RBM15B: variants seen among roughly 807,000 people sequenced by gnomAD.
The protein encoded by RBM15B is putative RNA-binding protein 15B.
In RBM15B, 11 loss-of-function variants were observed where a neutral mutation model predicts 53.3. The ratio of observed to expected loss-of-function variants is 0.21; its 90% CI spans 0.13 to 0.34. The LOEUF (loss-of-function observed/expected upper bound fraction) is 0.34, where lower values mean the gene tolerates loss of function less well. RBM15B is among the 10% of genes least tolerant of loss of function. RBM15B has a pLI of 1.00. For missense variants in RBM15B, 1,136 were observed against 1,250.3 expected, an observed-to-expected ratio of 0.91 and a Z score of 1.38; for synonymous variants, 631 against 540.7, an observed-to-expected ratio of 1.17 and a Z score of -2.32.
chr3:51,391,680 G>T lies in RBM15B; in HGVS notation c.281G>T (p.Gly94Val). 8.2e-7 allele frequency: 1 copy of T among 1,219,790 alleles called. No individual in the cohort carries two copies. Among genetic ancestry groups the T allele is most frequent in the Non-Finnish European group, 1.0e-6 (1 of 981,280 alleles). 75.6% of individuals were successfully genotyped at this position (1,219,790 alleles called of 1,614,324 possible). ...TCGGGCTCCGGCGCTGGCGGCGGGG[G>T]ACGCGGCGGCAAGGCCTCGGGGGAC... ...RSSGSGAGGGGRGGKASGDPG... is the reference protein window; with the variant it reads ...RSSGSGAGGGVRGGKASGDPG... Residue 94 changes from glycine to valine, a missense_variant, in exon 1 of 1, where the codon GGA (glycine) becomes GTA (valine). Physicochemically the swap from Gly to Val is moderately radical, Grantham distance 109 (BLOSUM62 -3). Coordinates refer to ENST00000563281, the MANE Select transcript of RBM15B (RefSeq NM_013286.5). This position sits in a 1 kb window ranked among gnomAD's most constrained non-coding sequence, Gnocchi z 4.5.
rs782643337 is a variant in RBM15B at position 51,392,947 on chromosome 3, A to G, written c.1548A>G (p.Gly516=). ...LPVHYELLTD[G]YTRHRNLDAD... ...TGCATTATGAGCTGCTCACAGATGG[A>G]TACACCCGGCACCGCAACCTGGACG... Residue 516 remains glycine (G), a synonymous_variant, in exon 1 of 1, where the codon GGA becomes GGG. Coordinates refer to ENST00000563281, the MANE Select transcript of RBM15B (RefSeq NM_013286.5). The surrounding 1 kb of genome is among the most constrained non-coding windows in gnomAD (Gnocchi z 7.5). 1.2e-6 allele frequency: 2 copies of G among 1,613,640 alleles called. No individual in the cohort carries two copies. The highest frequency in any genetic ancestry group is 1.3e-5 in the African/African-American group (1 of 74,900).
At position 51,394,309 on chromosome 3, in the gene RBM15B, C is replaced by T; in HGVS notation, c.*237C>T. The T allele has an allele frequency of 4.2e-6, 2 of 473,868 alleles. No individual in the cohort carries two copies. The highest frequency in any genetic ancestry group is 6.9e-6 in the Non-Finnish European group (2 of 291,516). 29.4% of individuals were successfully genotyped at this position (473,868 alleles called of 1,614,324 possible). ...ATGTTGATTTCTAGTGTACAAGATA[C>T]TGTCTGCTGTGGTTCTGTATTTTTT... On this transcript the variant is annotated 3_prime_UTR_variant, in exon 1 of 1. Transcript: ENST00000563281.
rs1392547402 is a variant in RBM15B, at chr3:51,396,307, A to C, written c.*2235A>C. 5.5e-6 allele frequency: 1 copy of C among 181,224 alleles called. No homozygotes were observed. The allele number at this position is 181,224 out of a possible 1,614,324, so 11.2% of individuals were successfully genotyped here. On this transcript the variant is annotated 3_prime_UTR_variant, in exon 1 of 1. Transcript: ENST00000563281. Reference sequence around the variant, plus strand: ...GAGAAAGGTGTCCCATGGCCCCAAAAAGAACTGCCAAGTTTTGGTGAGGAG... The same window carrying C: ...GAGAAAGGTGTCCCATGGCCCCAAACAGAACTGCCAAGTTTTGGTGAGGAG...
rs2089206767 is a variant in RBM15B at position 51,396,392 on chromosome 3, C to T, written c.*2320C>T. 1 of 167,510 alleles carries T rather than the reference C, an allele frequency of 6.0e-6. No individual in the cohort carries two copies. The highest frequency in any genetic ancestry group is 2.4e-5 in the African/African-American group (1 of 41,476). 10.4% of individuals were successfully genotyped at this position (167,510 alleles called of 1,614,324 possible). On this transcript the variant is annotated 3_prime_UTR_variant, in exon 1 of 1. Coordinates refer to ENST00000563281, the MANE Select transcript of RBM15B (RefSeq NM_013286.5). ...GCCCTCAACCACTTCCTTCCTTTGG[C>T]TCTTAAGACCTAGCAGGTTCTGTGA...
At position 51,393,567 on chromosome 3, in the gene RBM15B, A is replaced by G; in HGVS notation, c.2168A>G (p.Asn723Ser). The change falls in exon 1 of 1, where the codon AAT (asparagine) becomes AGT (serine). Residue 723 changes from asparagine (N) to serine (S), a missense_variant. Coordinates refer to ENST00000563281, the MANE Select transcript of RBM15B (RefSeq NM_013286.5). The surrounding 1 kb of genome is among the most constrained non-coding windows in gnomAD (Gnocchi z 5.6). ...GCTCAGACACTACAGCTGGGTTGGA[A>G]TGGGCTTCTGGTGTTGAAAAACAGC... ...EYAQTLQLGW[N>S]GLLVLKNSCF... The G allele has an allele frequency of 6.2e-7, 1 of 1,614,208 alleles. No homozygotes were observed. Among genetic ancestry groups the G allele is most frequent in the South Asian group, 1.1e-5 (1 of 91,084 alleles).
Position 51,392,272 on chromosome 3 carries a change from T to C in RBM15B, c.873T>C (p.Ala291=). ...CCGCAGCCTTCGCCCTGGATGCCGC[T>C]GCTGCCGCCGCCGTGGGACTGTCCC... ...HAAAAFALDA[A]AAAAVGLSRE... Residue 291 remains alanine (A), a synonymous_variant, in exon 1 of 1, where the codon GCT becomes GCC. Transcript: ENST00000563281. The surrounding 1 kb of genome is among the most constrained non-coding windows in gnomAD (Gnocchi z 7.5). The C allele has an allele frequency of 6.2e-7, 1 of 1,603,222 alleles. No individual in the cohort carries two copies. Among genetic ancestry groups the C allele is most frequent in the Non-Finnish European group, 8.5e-7 (1 of 1,177,636 alleles).
In RBM15B at chr3:51,393,775, G is replaced by C. The variant is rs1217378666; in HGVS notation, c.2376G>C (p.Ala792=). The C allele has an allele frequency of 5.0e-6, 8 of 1,613,696 alleles. No individual in the cohort carries two copies. The highest frequency in any genetic ancestry group is 6.8e-6 in the Non-Finnish European group (8 of 1,180,044). ...RIKQGSPNGY[A]VLLATQATPS... ...AGCAGGGGAGCCCCAACGGCTATGC[G>C]GTCCTCTTAGCCACCCAGGCAACCC... Residue 792 remains alanine (A), a synonymous_variant, in exon 1 of 1, where the codon GCG becomes GCC. Transcript: ENST00000563281. This position sits in a 1 kb window ranked among gnomAD's most constrained non-coding sequence, Gnocchi z 5.6.
Position 51,391,356 on chromosome 3 carries a change from C to T in RBM15B, c.-44C>T, listed in dbSNP as rs2089033671. On this transcript the variant is annotated 5_prime_UTR_variant, in exon 1 of 1. Coordinates refer to ENST00000563281, the MANE Select transcript of RBM15B (RefSeq NM_013286.5). This position sits in a 1 kb window ranked among gnomAD's most constrained non-coding sequence, Gnocchi z 4.5. ...CCTCGGCCGCCGCCTCCGCCGCCGC[C>T]GCTGTGAGAAACCTACGGGCCGCCC... The T allele has an allele frequency of 3.4e-6, 4 of 1,192,420 alleles. No individual in the cohort carries two copies. Among genetic ancestry groups the T allele is most frequent in the Non-Finnish European group, 4.1e-6 (4 of 964,246 alleles). 73.9% of individuals were successfully genotyped at this position (1,192,420 alleles called of 1,614,324 possible). A position where few individuals can be genotyped will look rare whatever the true frequency, so the allele number is the denominator to read the frequency against.
At position 51,392,275 on chromosome 3, in the gene RBM15B, T is replaced by G; in HGVS notation, c.876T>G (p.Ala292=). ...AAAAFALDAA[A]AAAVGLSRER... is the part of the protein sequence containing the mutation. ...CAGCCTTCGCCCTGGATGCCGCTGC[T>G]GCCGCCGCCGTGGGACTGTCCCGGG... is the stretch of plus-strand genomic sequence containing the variant. The change falls in exon 1 of 1, where the codon GCT becomes GCG. Residue 292 remains alanine (A), a synonymous_variant. Coordinates refer to ENST00000563281, the MANE Select transcript of RBM15B (RefSeq NM_013286.5). This position sits in a 1 kb window ranked among gnomAD's most constrained non-coding sequence, Gnocchi z 7.5. 1 of 1,603,972 alleles carries G rather than the reference T, an allele frequency of 6.2e-7. No homozygotes were observed.
chr3:51,391,949 T>C lies in RBM15B; in HGVS notation c.550T>C (p.Tyr184His), dbSNP rs782368268. ...CACGCCTGAGCTGGGCCGTGTGGCC[T>C]ACGTGAATTTCCGGCACCCACAGGA... is the stretch of plus-strand genomic sequence containing the variant. ...SHTPELGRVAYVNFRHPQDAR... is the reference protein window; with the variant it reads ...SHTPELGRVAHVNFRHPQDAR... Residue 184 changes from tyrosine (Y) to histidine (H), a missense_variant, in exon 1 of 1, where the codon TAC (tyrosine) becomes CAC (histidine). This residue lies in a region of RBM15B where 12 missense variants were observed against 35.8 expected (regional missense o/e 0.34). Coordinates refer to ENST00000563281, the MANE Select transcript of RBM15B (RefSeq NM_013286.5). The surrounding 1 kb of genome is among the most constrained non-coding windows in gnomAD (Gnocchi z 4.5). 1 of 1,601,888 alleles carries C rather than the reference T, an allele frequency of 6.2e-7. No individual in the cohort carries two copies.
At position 51,392,207 on chromosome 3, in the gene RBM15B, G is replaced by C; in HGVS notation, c.808G>C (p.Ala270Pro). ...CAAGCAGCGCTCGCTGTCCCCCGTCGCTGCCCCGCCCCTGCGGGAGCCCCG... is the reference window on the plus strand; with the variant it reads ...CAAGCAGCGCTCGCTGTCCCCCGTCCCTGCCCCGCCCCTGCGGGAGCCCCG... ...QYKQRSLSPV[A>P]APPLREPRAR... The change falls in exon 1 of 1, where the codon GCT (alanine) becomes CCT (proline). Residue 270 changes from alanine to proline, a missense_variant. Physicochemically the swap from Ala to Pro is conservative, Grantham distance 27. Around this residue, in one of 7 missense-constraint regions of RBM15B, gnomAD observed 204 missense variants for 196.8 expected, o/e 1.04. Coordinates refer to ENST00000563281, the MANE Select transcript of RBM15B (RefSeq NM_013286.5). The surrounding 1 kb of genome is among the most constrained non-coding windows in gnomAD (Gnocchi z 7.5). The C allele has an allele frequency of 6.5e-7, 1 of 1,547,378 alleles. No individual in the cohort carries two copies. Among genetic ancestry groups the C allele is most frequent in the Non-Finnish European group, 8.7e-7 (1 of 1,151,114 alleles).
At position 51,394,842 on chromosome 3, in the gene RBM15B, C is replaced by G. The variant is rs1553622323; in HGVS notation, c.*770C>G. On this transcript the variant is annotated 3_prime_UTR_variant, in exon 1 of 1. Coordinates refer to ENST00000563281, the MANE Select transcript of RBM15B (RefSeq NM_013286.5). ...AAGGAGAAGCTGTGCACTGTTGATG[C>G]CAGGGGGTCTCGGGGCCCCTGATCT... is the stretch of plus-strand genomic sequence containing the variant. 1 of 167,090 alleles carries G rather than the reference C, an allele frequency of 6.0e-6. No homozygotes were observed. Among genetic ancestry groups the G allele is most frequent in the South Asian group, 2.1e-4 (1 of 4,830 alleles). 10.4% of individuals were successfully genotyped at this position (167,090 alleles called of 1,614,324 possible).
Position 51,393,171 on chromosome 3 carries a change from A to C in RBM15B, c.1772A>C (p.Glu591Ala). The change falls in exon 1 of 1, where the codon GAA (glutamate) becomes GCA (alanine). Residue 591 changes from glutamate (E) to alanine (A), a missense_variant. Around this residue, in one of 7 missense-constraint regions of RBM15B, gnomAD observed 578 missense variants for 581.6 expected, o/e 0.99. Coordinates refer to ENST00000563281, the MANE Select transcript of RBM15B (RefSeq NM_013286.5). The surrounding 1 kb of genome is among the most constrained non-coding windows in gnomAD (Gnocchi z 5.6). ...DGDRGLPKPW[E>A]ERRKRRSLSS... ...GACCGTGGTTTGCCCAAGCCCTGGG[A>C]AGAGAGGCGGAAACGGAGAAGCCTT... 1 of 1,613,958 alleles carries C rather than the reference A, an allele frequency of 6.2e-7. No homozygotes were observed. The highest frequency in any genetic ancestry group is 8.5e-7 in the Non-Finnish European group (1 of 1,179,890).
Position 51,391,498 on chromosome 3 carries a change from C to A in RBM15B, c.99C>A (p.Gly33=), listed in dbSNP as rs1277189640. 3.9e-5 allele frequency: 47 copies of A among 1,196,076 alleles called. No homozygotes were observed. The highest frequency in any genetic ancestry group is 4.9e-5 in the Non-Finnish European group (47 of 966,674). The allele number at this position is 1,196,076 out of a possible 1,614,324, so 74.1% of individuals were successfully genotyped here. A position where few individuals can be genotyped will look rare whatever the true frequency, so the allele number is the denominator to read the frequency against. ...AGCGCGAACGGGAGGCGGAGGCGGG[C>A]GGGCGGCGGGCGGCGCACAAGGCCT... is the stretch of plus-strand genomic sequence containing the variant. ...PREREREAEA[G]GRRAAHKASG... The change falls in exon 1 of 1, where the codon GGC becomes GGA. Residue 33 remains glycine (G), a synonymous_variant. Transcript: ENST00000563281. This position sits in a 1 kb window ranked among gnomAD's most constrained non-coding sequence, Gnocchi z 4.5.
At position 51,392,999 on chromosome 3, in the gene RBM15B, C is replaced by G; in HGVS notation, c.1600C>G (p.Pro534Ala). 1 of 1,613,808 alleles carries G rather than the reference C, an allele frequency of 6.2e-7. No homozygotes were observed. Among genetic ancestry groups the G allele is most frequent in the Non-Finnish European group, 8.5e-7 (1 of 1,179,996 alleles). The change falls in exon 1 of 1, where the codon CCA (proline) becomes GCA (alanine). Residue 534 changes from proline (P) to alanine (A), a missense_variant. Pro to Ala is a conservative substitution (Grantham distance 27). This residue lies in a region of RBM15B where 578 missense variants were observed against 581.6 expected (regional missense o/e 0.99). Coordinates refer to ENST00000563281, the MANE Select transcript of RBM15B (RefSeq NM_013286.5). The surrounding 1 kb of genome is among the most constrained non-coding windows in gnomAD (Gnocchi z 7.5). ...DADLVRDRTP[P>A]HLLYSDRDRT... ...CGACCTGGTGCGGGACAGGACGCCCCCACACCTTCTGTACTCAGACCGAGA... is the reference window on the plus strand; with the variant it reads ...CGACCTGGTGCGGGACAGGACGCCCGCACACCTTCTGTACTCAGACCGAGA...
In RBM15B at chr3:51,395,770, A is replaced by T; in HGVS notation, c.*1698A>T. 2.4e-6 allele frequency: 1 copy of T among 413,520 alleles called. No individual in the cohort carries two copies. The highest frequency in any genetic ancestry group is 4.4e-6 in the Non-Finnish European group (1 of 226,138). The allele number at this position is 413,520 out of a possible 1,614,324, so 25.6% of individuals were successfully genotyped here. ...TGGAGAGGTCATGCTGGTCCACAGG[A>T]ACACTTGGCAGTGCTCTCGTAGACC... On this transcript the variant is annotated 3_prime_UTR_variant, in exon 1 of 1. Coordinates refer to ENST00000563281, the MANE Select transcript of RBM15B (RefSeq NM_013286.5).
Position 51,394,045 on chromosome 3 carries a change from G to A in RBM15B, c.2646G>A (p.Val882=). Residue 882 remains valine, a synonymous_variant, in exon 1 of 1, where the codon GTG becomes GTA. Coordinates refer to ENST00000563281, the MANE Select transcript of RBM15B (RefSeq NM_013286.5). Reference sequence around the variant, plus strand: ...GCAAGCTAGAAGAAGAACACATGGTGATAGTCATCGTCAGAGACACTGCCT... The same window carrying A: ...GCAAGCTAGAAGAAGAACACATGGTAATAGTCATCGTCAGAGACACTGCCT... ...TLGKLEEEHM[V]IVIVRDTA is the part of the protein sequence containing the mutation. 2 of 1,471,680 alleles carry A rather than the reference G, an allele frequency of 1.4e-6. No individual in the cohort carries two copies. The highest frequency in any genetic ancestry group is 1.4e-5 in the African/African-American group (1 of 70,596). The allele number at this position is 1,471,680 out of a possible 1,614,324, so 91.2% of individuals were successfully genotyped here. A position where few individuals can be genotyped will look rare whatever the true frequency, so the allele number is the denominator to read the frequency against.
chr3:51,395,310 GTGTT>G lies in RBM15B; in HGVS notation c.*1251_*1254del, dbSNP rs58104016. On this transcript the variant is annotated 3_prime_UTR_variant, in exon 1 of 1. Transcript: ENST00000563281. ...TGGGGGGAAATCACAAGTCACTGAGGTGTTTGTTTGTTTGTTAGGCAGTGCTAGA... is the reference window on the plus strand; with the variant it reads ...TGGGGGGAAATCACAAGTCACTGAGGTGTTTGTTTGTTAGGCAGTGCTAGA... 139 of 167,368 alleles carry G rather than the reference GTGTT, an allele frequency of 8.3e-4. 2 individuals carry two copies. Among genetic ancestry groups the G allele is most frequent in the South Asian group, 3.3e-3 (16 of 4,844 alleles). 10.4% of individuals were successfully genotyped at this position (167,368 alleles called of 1,614,324 possible).
rs1038388249 is a variant in RBM15B at position 51,392,281 on chromosome 3, C to T, written c.882C>T (p.Ala294=). 1.1e-5 allele frequency: 17 copies of T among 1,604,820 alleles called. No homozygotes were observed. The highest frequency in any genetic ancestry group is 1.7e-5 in the Admixed American group (1 of 59,614). The change falls in exon 1 of 1, where the codon GCC becomes GCT. Residue 294 remains alanine (A), a synonymous_variant. Transcript: ENST00000563281. This position sits in a 1 kb window ranked among gnomAD's most constrained non-coding sequence, Gnocchi z 7.5. ...TCGCCCTGGATGCCGCTGCTGCCGC[C>T]GCCGTGGGACTGTCCCGGGAGCGGG... ...AAFALDAAAA[A]AVGLSRERAL...
Sources: gnomAD v4.1 joint callset for allele counts on GRCh38, gnomAD v4.1.1 for gene constraint, gnomAD v4.1.1 regional missense constraint, Gnocchi (gnomAD v3.1) non-coding constraint, MANE v1.5 for transcripts, NCBI Gene and HGNC (gene_info 2026-07-23, HGNC 2026-07-21) for gene names.